Variants in IQSEC2 observed in about 807,000 individuals in gnomAD.
IQSEC2 encodes IQ motif and Sec7 domain ArfGEF 2, also known as IQ motif and SEC7 domain-containing protein 2.
IQSEC2 carries 6 observed loss-of-function variants against 74.6 expected under a neutral mutation model. That is an observed-to-expected ratio of 0.08 (90% CI 0.04 to 0.16). The LOEUF is 0.16. Among genes scored for constraint, IQSEC2 ranks in the 10% least tolerant of loss-of-function variants. The pLI is 1.00. For missense variants in IQSEC2, 734 were observed against 1,306.2 expected (o/e 0.56, Z 6.75); for synonymous variants, 494 against 544.5 (o/e 0.91, Z 1.29).
intron 2 of IQSEC2, among the ~76,000 whole-genome samples, chrX:53,272,729 A>G: frequency 9.0e-6 from 1 of 111,420 alleles, no homozygotes. Context: ...ATAAGGCAAG[A>G]CCAGGCACCT....
chrX:53,251,769 G>C (rs2074395427), intron 4 of IQSEC2, among the ~76,000 whole-genome samples: 1 of 112,437 alleles, frequency 8.9e-6, no homozygotes, highest in African/African-American at 3.2e-5. Context: ...GGTTTTAAAA[G>C]ACTGCAGAGG....
In IQSEC2 at chrX:53,233,525, G is replaced by T; in HGVS notation, c.*694C>A. ...CTTTGATCAGGATAAGAACGTTGCA[G>T]GGCGAGGCAAGTTCCTGAAGCCGAA... On this transcript the variant is annotated 3_prime_UTR_variant, in exon 15 of 15. Transcript: ENST00000642864. The T allele has an allele frequency of 7.0e-6, 1 of 142,450 alleles. No homozygotes were observed. 11.7% of individuals were successfully genotyped at this position (142,450 alleles called of 1,213,427 possible).
chrX:53,300,379 C>T (rs1278373035), intron 1 of IQSEC2, among the ~76,000 whole-genome samples: 1 of 111,508 alleles, frequency 9.0e-6, no homozygotes, highest in African/African-American at 3.3e-5. Context: ...CTCCAGGAAG[C>T]GTATCTTAAC....
chrX:53,234,569 G>A lies in IQSEC2; in HGVS notation c.4117C>T (p.Pro1373Ser). ...TGGGCTGGAGGGTGCTGGGGGGCAG[G>A]ACTGTACAGGGGCAGTGGGGATGTG... is the stretch of plus-strand genomic sequence containing the variant. The part of the protein sequence containing the change: ...QPTSPLPLYS[P>S]APQHPPAHKQ... Residue 1373 changes from proline (P) to serine (S), a missense_variant, in exon 15 of 15, where the codon CCT becomes TCT. Physicochemically the swap from Pro to Ser is moderately conservative, Grantham distance 74. This residue lies in a region of IQSEC2 where 249 missense variants were observed against 467.9 expected (regional missense o/e 0.53). Coordinates refer to ENST00000642864, the MANE Select transcript of IQSEC2 (RefSeq NM_001111125.3). 9.0e-7 allele frequency: 1 copy of A among 1,116,848 alleles called. No individual in the cohort carries two copies. The highest frequency in any genetic ancestry group is 1.2e-6 in the Non-Finnish European group (1 of 846,295). The allele number at this position is 1,116,848 out of a possible 1,213,427, so 92.0% of individuals were successfully genotyped here.
At chrX:53,232,129 G>A (rs1435710200), downstream of IQSEC2, among the ~76,000 whole-genome samples, 1 of 111,852 alleles carries the variant, frequency 8.9e-6, no homozygotes, top group Non-Finnish European at 1.9e-5. Context: ...AGAGGTTTGG[G>A]AGGACTGGAA....
intron 1 of IQSEC2, among the ~76,000 whole-genome samples, chrX:53,304,193 C>G (rs1172267338): frequency 1.3e-4 from 14 of 110,168 alleles, no homozygotes; most frequent in Non-Finnish European, 9.5e-5. Context: ...CTAAGGAAGC[C>G]AAGAATCAGA....
intron 8 of IQSEC2, among the ~76,000 whole-genome samples, chrX:53,244,751 A>G (rs1556861716): frequency 3.6e-5 from 4 of 111,641 alleles, no homozygotes. Flanking sequence ...CTATATAAAA[A>G]GTTACATATG....
intron 1 of IQSEC2, among the ~76,000 whole-genome samples, chrX:53,309,017 T>C (rs1362372638): frequency 1.9e-5 from 2 of 107,728 alleles, no homozygotes; most frequent in African/African-American, 6.8e-5. Flanking sequence ...GGCAGGAAGA[T>C]TGCCTGAGTT....
At chrX:53,311,809 G>A (rs782721450) in intron 1 of IQSEC2, among the ~76,000 whole-genome samples, 2 of 111,869 alleles carry the variant, frequency 1.8e-5, no homozygotes, top group African/African-American at 6.5e-5. Context: ...CCAGCTACTC[G>A]GGAGGCTGAG....
Position 53,234,118 on chromosome X carries a change from T to C in IQSEC2, c.*101A>G, listed in dbSNP as rs1408270058. The C allele has an allele frequency of 2.8e-6, 1 of 352,918 alleles. No individual in the cohort carries two copies. Among genetic ancestry groups the C allele is most frequent in the Non-Finnish European group, 4.9e-6 (1 of 202,518 alleles). The allele number at this position is 352,918 out of a possible 1,213,427, so 29.1% of individuals were successfully genotyped here. A position where few individuals can be genotyped will look rare whatever the true frequency, so the allele number is the denominator to read the frequency against. ...ATGGGGAGGAGGACATTGCTATGTG[T>C]ATATATATTTTTGAAAAAACCGAGG... On this transcript the variant is annotated 3_prime_UTR_variant, in exon 15 of 15. Transcript: ENST00000642864.
At chrX:53,238,105 T>C in intron 12 of IQSEC2, 40 bp downstream of exon 12, 1 of 1,172,398 alleles carries the variant, frequency 8.5e-7, no homozygotes, top group East Asian at 3.1e-5. Context: ...CAGGGTACTG[T>C]TTCAGGAGAG....
At chrX:53,272,884 C>T (rs1315133576) in intron 2 of IQSEC2, among the ~76,000 whole-genome samples, 1 of 111,673 alleles carries the variant, frequency 9.0e-6, no homozygotes, top group Non-Finnish European at 1.9e-5. Flanking sequence ...TTCAATGCTA[C>T]ACAGTTGGCT....
chrX:53,271,342 G>A (rs1332753036), intron 2 of IQSEC2, among the ~76,000 whole-genome samples: 1 of 112,089 alleles, frequency 8.9e-6, no homozygotes, highest in Non-Finnish European at 1.9e-5. Context: ...TGAGAACCAG[G>A]GGTAGGATGA....
rs782674949 is a variant in IQSEC2 at position 53,236,508 on chromosome X, C to G, written c.3278-13G>C. The G allele has an allele frequency of 3.6e-5, 43 of 1,186,718 alleles. No homozygotes were observed. The African/African-American group carries it at 5.8e-4, about 16-fold the overall frequency. Reference sequence around the variant, plus strand: ...TTCTCCAGCTCCGCTGGGTGGCAGTCGGGGAGACAGGGAGCAAAGGTCAGG... The same window carrying G: ...TTCTCCAGCTCCGCTGGGTGGCAGTGGGGGAGACAGGGAGCAAAGGTCAGG... On this transcript the variant is annotated splice_polypyrimidine_tract_variant and intron_variant, in intron 12 of 14. Coordinates refer to ENST00000642864, the MANE Select transcript of IQSEC2 (RefSeq NM_001111125.3).
downstream of IQSEC2, chrX:53,227,617 A>C (rs1395347616): frequency 6.4e-6 from 2 of 312,546 alleles, no homozygotes; most frequent in South Asian, 1.5e-4. Flanking sequence ...TGATGGTGGT[A>C]GTGGTGGTGG....
Position 53,235,927 on chromosome X carries a change from G to A in IQSEC2, c.3452-95C>T, listed in dbSNP as rs902870007. The A allele has an allele frequency of 1.1e-5, 9 of 845,040 alleles. No homozygotes were observed. The Admixed American group carries it at 1.2e-4, about 11-fold the overall frequency. 69.6% of individuals were successfully genotyped at this position (845,040 alleles called of 1,213,427 possible). ...TGGGCACCAGGACTGGGCCCCTCCCGGGGACAGACACCCCATTATCCCTTT... is the reference window on the plus strand; with the variant it reads ...TGGGCACCAGGACTGGGCCCCTCCCAGGGACAGACACCCCATTATCCCTTT... On this transcript the variant is annotated intron_variant, in intron 13 of 14. Transcript: ENST00000642864.
Position 53,247,097 on chromosome X carries a change from T to C in IQSEC2, c.2621A>G (p.Gln874Arg), listed in dbSNP as rs2074318452. 1 of 1,211,059 alleles carries C rather than the reference T, an allele frequency of 8.3e-7. No individual in the cohort carries two copies. The highest frequency in any genetic ancestry group is 3.0e-5 in the East Asian group (1 of 33,841). Residue 874 changes from glutamine (Q) to arginine (R), a missense_variant, in exon 8 of 15, where the codon CAG becomes CGG. By Grantham distance (43) the Gln-to-Arg change is conservative. Around this residue, in one of 12 missense-constraint regions of IQSEC2, gnomAD observed 18 missense variants for 46.7 expected, o/e 0.39. Coordinates refer to ENST00000642864, the MANE Select transcript of IQSEC2 (RefSeq NM_001111125.3). Reference sequence around the variant, plus strand: ...GAAGATGGTGTCTGGGTTCCGGAACTGGCGCACGAGGGCTGGGTTACAGAC... The same window carrying C: ...GAAGATGGTGTCTGGGTTCCGGAACCGGCGCACGAGGGCTGGGTTACAGAC... Reference protein sequence around the residue: ...YCVCNPALVRQFRNPDTIFIL... With the variant: ...YCVCNPALVRRFRNPDTIFIL...
chrX:53,307,975 T>C (rs1295067399), intron 1 of IQSEC2, among the ~76,000 whole-genome samples: 1 of 105,565 alleles, frequency 9.5e-6, no homozygotes, highest in Non-Finnish European at 1.9e-5. Flanking sequence ...TCACCTGAGG[T>C]CAGGAGTTCA....
In IQSEC2 at chrX:53,246,973, C is replaced by T. The variant is rs2074317125; in HGVS notation, c.2745G>A (p.Leu915=). The change falls in exon 8 of 15, where the codon CTG becomes CTA. Residue 915 remains leucine, a synonymous_variant. Transcript: ENST00000642864. ...KMKLDDFIKN[L]RGVDNGEDIP... The stretch of plus-strand genomic sequence containing the variant: ...AAAAGCTGACAGGGAAGTCACCTCT[C>T]AGGTTCTTGATGAAGTCATCTAGTT... 2 of 1,210,663 alleles carry T rather than the reference C, an allele frequency of 1.7e-6. No individual in the cohort carries two copies. The highest frequency in any genetic ancestry group is 1.1e-6 in the Non-Finnish European group (1 of 894,646).
Sources: allele counts gnomAD v4.1 joint callset (sites outside exome capture counted in the v4.1 genomes callset), GRCh38; gene constraint gnomAD v4.1.1; regional missense constraint gnomAD v4.1.1; transcripts MANE v1.5; gene names NCBI Gene and HGNC (gene_info 2026-07-23, HGNC 2026-07-21).